The following CEP63 variants were observed in gnomAD, a reference collection of about 807,000 sequenced individuals.
CEP63 encodes the protein centrosomal protein 63, also known as centrosomal protein of 63 kDa.
Under a neutral mutation model 89.1 loss-of-function variants are expected in CEP63, and 84 were observed. That is an observed-to-expected ratio of 0.94 (90% CI 0.79 to 1.13). The LOEUF (loss-of-function observed/expected upper bound fraction) is 1.13. CEP63 is among the 50% of genes most tolerant of loss of function. CEP63 has a pLI of 0.00. For missense variants in CEP63, 838 were observed against 813.3 expected, an observed-to-expected ratio of 1.03 and a Z score of -0.37; for synonymous variants, 267 against 272.5, an observed-to-expected ratio of 0.98 and a Z score of 0.20.
At chr3:134,779,353 A>G in the CEP63 span, among the ~76,000 whole-genome samples, 7 of 151,904 alleles carry the variant, frequency 4.6e-5, no homozygotes, top group African/African-American at 1.7e-4. Context: ...ACCATGATTT[A>G]TTTTTCTATT....
chr3:134,485,931 G>A, upstream of CEP63: 1 of 962,092 alleles, frequency 1.0e-6, no homozygotes, highest in Non-Finnish European at 1.2e-6. Flanking sequence ...AACCTAGGCC[G>A]GGGGCGCTGG....
At chr3:134,760,128 G>A in the CEP63 span, among the ~76,000 whole-genome samples, 20,103 of 148,002 alleles carry the variant, frequency 0.14, 1,460 homozygotes, top group Middle Eastern at 0.18. Context: ...GCGCGATCTC[G>A]GCTCACTGCA....
At chr3:134,655,154 C>A in the CEP63 span, among the ~76,000 whole-genome samples, 1 of 152,204 alleles carries the variant, frequency 6.6e-6, no homozygotes, top group South Asian at 2.1e-4. Context: ...ATAGCTATGG[C>A]AACTTCCTGT....
At chr3:134,501,301 C>T (rs1941928578) in intron 2 of CEP63, among the ~76,000 whole-genome samples, 1 of 152,038 alleles carries the variant, frequency 6.6e-6, no homozygotes, top group African/African-American at 2.4e-5. Flanking sequence ...CATAGGGTTG[C>T]TTTGGCTATT....
chr3:134,724,672 T>C, the CEP63 span, among the ~76,000 whole-genome samples: 9 of 152,240 alleles, frequency 5.9e-5, no homozygotes, highest in Admixed American at 5.9e-4. Context: ...AAAACAGAAG[T>C]TCATTTATAG....
At chr3:134,521,793 A>G (rs1051585971) in intron 3 of CEP63, among the ~76,000 whole-genome samples, 2 of 152,096 alleles carry the variant, frequency 1.3e-5, no homozygotes, top group African/African-American at 2.4e-5. Flanking sequence ...TGAAGCGCTA[A>G]TTTCTCCCTT....
chr3:134,711,367 T>C, the CEP63 span, among the ~76,000 whole-genome samples: 1 of 152,210 alleles, frequency 6.6e-6, no homozygotes, highest in East Asian at 1.9e-4. Flanking sequence ...CACAGCTTCC[T>C]TGGGGACATC....
intron 2 of CEP63, among the ~76,000 whole-genome samples, chr3:134,499,279 C>T (rs1941217709): frequency 6.6e-6 from 1 of 152,076 alleles, no homozygotes; most frequent in Non-Finnish European, 1.5e-5. Context: ...TTTATTTCCT[C>T]TAGGTGTTCC....
the CEP63 span, among the ~76,000 whole-genome samples, chr3:134,598,205 TA>T: frequency 9.8e-5 from 15 of 152,338 alleles, no homozygotes; most frequent in East Asian, 2.3e-3. Context: ...TTTCAGGGTG[TA>T]AAACACCCCT....
chr3:134,733,384 C>T, the CEP63 span, among the ~76,000 whole-genome samples: 1 of 151,304 alleles, frequency 6.6e-6, no homozygotes, highest in African/African-American at 2.4e-5. Flanking sequence ...AAAAAATCCT[C>T]ATGGCTTCCA....
chr3:134,608,092 G>A, the CEP63 span: 1 of 1,121,088 alleles, frequency 8.9e-7, no homozygotes, highest in Admixed American at 4.4e-5. Context: ...ACCTGTCCTG[G>A]GAGACCCATG....
the CEP63 span, among the ~76,000 whole-genome samples, chr3:134,702,441 G>T: frequency 6.7e-6 from 1 of 148,456 alleles, no homozygotes; most frequent in South Asian, 2.1e-4. Flanking sequence ...AAAGAACAAA[G>T]CTGGAGGCAT....
the CEP63 span, among the ~76,000 whole-genome samples, chr3:134,774,787 G>A: frequency 6.6e-6 from 1 of 152,168 alleles, no homozygotes; most frequent in Admixed American, 6.5e-5. Flanking sequence ...TTTGGGGCTA[G>A]AATTGAGAAT....
In CEP63 at chr3:134,545,742, G is replaced by A; in HGVS notation, c.712G>A (p.Val238Ile). The change falls in exon 7 of 15, where the codon GTT becomes ATT. Residue 238 changes from valine (V) to isoleucine (I), a missense_variant. Val to Ile is a conservative substitution (Grantham distance 29). Coordinates refer to ENST00000675561, the MANE Select transcript of CEP63 (RefSeq NM_001353108.3). Reference sequence around the variant, plus strand: ...CCTCACCATGAGGGTCAATGACTTGGTTGGAACCAGTATGACTGTCCTACA... The same window carrying A: ...CCTCACCATGAGGGTCAATGACTTGATTGGAACCAGTATGACTGTCCTACA... ...ERLTMRVNDL[V>I]GTSMTVLQEQ... 1.2e-6 allele frequency: 2 copies of A among 1,614,140 alleles called. No individual in the cohort carries two copies. Among genetic ancestry groups the A allele is most frequent in the Non-Finnish European group, 1.7e-6 (2 of 1,180,022 alleles).
the CEP63 span, chr3:134,603,548 C>T: frequency 3.0e-5 from 46 of 1,541,478 alleles, no homozygotes; most frequent in African/African-American, 5.5e-4. Context: ...TGGCCTTGGC[C>T]CTTTGGGAGG....
the CEP63 span, among the ~76,000 whole-genome samples, chr3:134,750,492 A>G: frequency 6.6e-6 from 1 of 152,344 alleles, no homozygotes; most frequent in East Asian, 1.9e-4. Context: ...TTTGAGGATC[A>G]GATAGTGGCA....
the CEP63 span, among the ~76,000 whole-genome samples, chr3:134,623,006 T>G: frequency 6.6e-6 from 1 of 152,240 alleles, no homozygotes; most frequent in Non-Finnish European, 1.5e-5. Flanking sequence ...TTCTGTTTCA[T>G]TTTCTTCTAC....
the CEP63 span, among the ~76,000 whole-genome samples, chr3:134,635,281 G>A: frequency 1.3e-5 from 2 of 152,084 alleles, 1 homozygote; most frequent in Non-Finnish European, 2.9e-5. Context: ...TGGATCACTT[G>A]AGGTCAGGAG....
At chr3:134,646,537 A>G in the CEP63 span, among the ~76,000 whole-genome samples, 4 of 152,208 alleles carry the variant, frequency 2.6e-5, no homozygotes, top group Non-Finnish European at 4.4e-5. Flanking sequence ...AGTAAGCACT[A>G]TAGGCATTTG....
Sources: gnomAD v4.1 joint callset for allele counts (sites outside exome capture counted in the v4.1 genomes callset) on GRCh38, gnomAD v4.1.1 for gene constraint, MANE v1.5 for transcripts, NCBI Gene and HGNC (gene_info 2026-07-23, HGNC 2026-07-21) for gene names.